ARHGEF26: variants seen among roughly 807,000 people sequenced by gnomAD.
ARHGEF26 encodes the protein Rho guanine nucleotide exchange factor (GEF) 26.
ARHGEF26 carries 59 observed loss-of-function variants against 89.4 expected under a neutral mutation model. That is an observed-to-expected ratio of 0.66 (90% CI 0.54 to 0.82). ARHGEF26 has a LOEUF of 0.82. Among genes scored for constraint, ARHGEF26 ranks in the 40% least tolerant of loss-of-function variants. The pLI is 0.00. For missense variants in ARHGEF26, 1,234 were observed against 1,085.6 expected (o/e 1.14, Z -1.92); for synonymous variants, 500 against 428.4 (o/e 1.17, Z -2.06).
Position 154,219,330 on chromosome 3 carries a change from C to T in ARHGEF26, c.1935+1372C>T, listed in dbSNP as rs1261384666. Among the ~76,000 whole-genome samples the T allele has an allele frequency of 4.6e-5, 7 of 151,980 alleles. No individual in the cohort carries two copies. In the East Asian group the frequency reaches 1.4e-3, roughly 30 times the overall value. On this transcript the variant is annotated intron_variant, in intron 10 of 14. Coordinates refer to ENST00000465093, the MANE Select transcript of ARHGEF26 (RefSeq NM_015595.4). ...TCTGTCTAGGCCGGGCGAGGTGGCT[C>T]ATGCCTGTAATCCCAGCACTTTGGG... is the stretch of plus-strand genomic sequence containing the variant.
intron 4 of ARHGEF26, among the ~76,000 whole-genome samples, chr3:154,144,447 A>G (rs1377515444): frequency 6.6e-6 from 1 of 152,210 alleles, no homozygotes; most frequent in African/African-American, 2.4e-5. Context: ...TAAATTGAGA[A>G]CCAACCAGAA....
chr3:154,132,573 C>T (rs914786097), intron 4 of ARHGEF26, among the ~76,000 whole-genome samples: 8 of 152,116 alleles, frequency 5.3e-5, no homozygotes, highest in Admixed American at 3.9e-4. Flanking sequence ...GCGGAGGCTT[C>T]GTGCATCATT....
intron 7 of ARHGEF26, among the ~76,000 whole-genome samples, chr3:154,191,083 C>T (rs1052482041): frequency 2.0e-5 from 3 of 152,184 alleles, no homozygotes; most frequent in Non-Finnish European, 2.9e-5. Context: ...GTGAAATCCA[C>T]ATCTTATTAT....
chr3:154,253,483 G>A (rs73875336), intron 13 of ARHGEF26, among the ~76,000 whole-genome samples: 1,728 of 152,270 alleles, frequency 0.011, 31 homozygotes, highest in African/African-American at 0.04. Flanking sequence ...TTATTGTGAA[G>A]ATTAAGTTAA....
intron 6 of ARHGEF26, among the ~76,000 whole-genome samples, chr3:154,169,498 A>G (rs1712280814): frequency 6.6e-6 from 1 of 151,988 alleles, no homozygotes; most frequent in Non-Finnish European, 1.5e-5. Context: ...AGTTTTTTGT[A>G]TTTTTGTGCT....
At chr3:154,187,630 A>T in intron 6 of ARHGEF26, 55 bp from the exon 7 acceptor site, 2 of 1,444,992 alleles carry the variant, frequency 1.4e-6, no homozygotes, top group Non-Finnish European at 9.4e-7. Context: ...CTAATCTGTT[A>T]TCTGTTAGAG....
intron 9 of ARHGEF26, among the ~76,000 whole-genome samples, chr3:154,203,492 A>C (rs1047336574): frequency 6.6e-6 from 1 of 152,086 alleles, no homozygotes; most frequent in Non-Finnish European, 1.5e-5. Context: ...CTCTTGTTTG[A>C]TTGTACTAGC....
chr3:154,189,428 C>G (rs559935556), intron 7 of ARHGEF26, among the ~76,000 whole-genome samples: 1 of 148,020 alleles, frequency 6.8e-6, no homozygotes, highest in Non-Finnish European at 1.5e-5. Context: ...ACTTCTGCAT[C>G]CCAGGTTCAA....
Position 154,254,782 on chromosome 3 carries a change from C to G in ARHGEF26, c.2431C>G (p.Gln811Glu). 1 of 1,613,880 alleles carries G rather than the reference C, an allele frequency of 6.2e-7. No individual in the cohort carries two copies. Among genetic ancestry groups the G allele is most frequent in the South Asian group, 1.1e-5 (1 of 91,082 alleles). ...TAAGCAGCCAGATGAACTCTCCCTG[C>G]AGGTGGCTGACGTCGTCCTCATCTA... The part of the protein sequence containing the change: ...TAKQPDELSL[Q>E]VADVVLIYQR... The change falls in exon 14 of 15, where the codon CAG (glutamine) becomes GAG (glutamate). Residue 811 changes from glutamine to glutamate, a missense_variant. By Grantham distance (29) the Gln-to-Glu change is conservative. Coordinates refer to ENST00000465093, the MANE Select transcript of ARHGEF26 (RefSeq NM_015595.4).
intron 9 of ARHGEF26, among the ~76,000 whole-genome samples, chr3:154,213,817 T>A (rs113093909): frequency 0.012 from 1,857 of 152,190 alleles, 17 homozygotes; most frequent in African/African-American, 0.026. Flanking sequence ...TTCTTTTTTT[T>A]AAAAATGACT....
At chr3:154,170,984 C>T (rs1286072123) in intron 6 of ARHGEF26, among the ~76,000 whole-genome samples, 1 of 152,130 alleles carries the variant, frequency 6.6e-6, no homozygotes, top group Non-Finnish European at 1.5e-5. Flanking sequence ...TTGAAAAACT[C>T]CCTCCTCCTG....
At chr3:154,228,471 C>CT (rs1014733355) in intron 11 of ARHGEF26, among the ~76,000 whole-genome samples, 9 of 135,340 alleles carry the variant, frequency 6.6e-5, no homozygotes, top group African/African-American at 1.6e-4. Flanking sequence ...TTTTCTTTTT[C>CT]TTTTTTTTAA....
chr3:154,196,437 C>G (rs1221691162), intron 9 of ARHGEF26, among the ~76,000 whole-genome samples: 1 of 152,082 alleles, frequency 6.6e-6, no homozygotes, highest in Non-Finnish European at 1.5e-5. Context: ...TTACATAGCC[C>G]TATATGAATT....
chr3:154,205,669 G>A (rs1190559317), intron 9 of ARHGEF26, among the ~76,000 whole-genome samples: 2 of 151,670 alleles, frequency 1.3e-5, no homozygotes, highest in African/African-American at 4.8e-5. Flanking sequence ...TGTGTTTAAG[G>A]TTATCATGAG....
chr3:154,217,523 G>A (rs1242105705), intron 9 of ARHGEF26, among the ~76,000 whole-genome samples: 12 of 152,152 alleles, frequency 7.9e-5, no homozygotes, highest in Admixed American at 7.9e-4. Flanking sequence ...TTGCTGTGCA[G>A]AAGCTTCAGC....
intron 4 of ARHGEF26, among the ~76,000 whole-genome samples, chr3:154,138,092 A>G (rs1336322888): frequency 6.6e-6 from 1 of 152,228 alleles, no homozygotes; most frequent in Non-Finnish European, 1.5e-5. Context: ...TCTACACATG[A>G]TCTACAGTGT....
At chr3:154,148,876 A>C (rs1248846540) in intron 4 of ARHGEF26, among the ~76,000 whole-genome samples, 5 of 152,198 alleles carry the variant, frequency 3.3e-5, no homozygotes, top group African/African-American at 1.2e-4. Flanking sequence ...TCCAAGATAC[A>C]TGTGGACCAA....
rs1718459278 is a variant in ARHGEF26 at position 154,255,757 on chromosome 3, T to G, written c.*284T>G. On this transcript the variant is annotated 3_prime_UTR_variant, in exon 15 of 15. Coordinates refer to ENST00000465093, the MANE Select transcript of ARHGEF26 (RefSeq NM_015595.4). ...GGGATCAGGTCATCTCTGCTCCTCCTAGTTTCACCATGTTCTGGCAATAAA... is the reference window on the plus strand; with the variant it reads ...GGGATCAGGTCATCTCTGCTCCTCCGAGTTTCACCATGTTCTGGCAATAAA... 8.3e-7 allele frequency: 1 copy of G among 1,202,750 alleles called. No homozygotes were observed. The allele number at this position is 1,202,750 out of a possible 1,614,324, so 74.5% of individuals were successfully genotyped here. A position where few individuals can be genotyped will look rare whatever the true frequency, so the allele number is the denominator to read the frequency against.
chr3:154,252,369 T>C (rs1718210679), intron 12 of ARHGEF26, among the ~76,000 whole-genome samples: 1 of 152,348 alleles, frequency 6.6e-6, no homozygotes, highest in South Asian at 2.1e-4. Context: ...AGTATGTGTG[T>C]GGCGGGGCAG....
Sources: allele counts gnomAD v4.1 joint callset (sites outside exome capture counted in the v4.1 genomes callset), GRCh38; gene constraint gnomAD v4.1.1; transcripts MANE v1.5; gene names NCBI Gene and HGNC (gene_info 2026-07-23, HGNC 2026-07-21).